SEMA3A: variants seen among roughly 807,000 people sequenced by gnomAD.
SEMA3A encodes semaphorin 3A.
SEMA3A carries 29 observed loss-of-function variants against 97.9 expected under a neutral mutation model. The ratio of observed to expected loss-of-function variants is 0.30; its 90% CI spans 0.22 to 0.40. The LOEUF is 0.40. Ranked by LOEUF, SEMA3A falls within the 10% of genes least tolerant of loss-of-function variation. SEMA3A has a pLI of 1.00. For synonymous variants in SEMA3A, 321 were observed against 323.7 expected, an observed-to-expected ratio of 0.99 and a Z score of 0.09; for missense variants, 763 against 951.3, an observed-to-expected ratio of 0.80 and a Z score of 2.60.
At chr7:84,406,139 G>C (rs1426227678) in intron 1 of SEMA3A, among the ~76,000 whole-genome samples, 2 of 152,018 alleles carry the variant, frequency 1.3e-5, no homozygotes, top group Non-Finnish European at 2.9e-5. Context: ...CAACAAAATT[G>C]ATAGACCACT....
chr7:84,453,364 G>C (rs1329109968), intron 1 of SEMA3A, among the ~76,000 whole-genome samples: 3 of 151,638 alleles, frequency 2.0e-5, no homozygotes, highest in Non-Finnish European at 1.5e-5. Flanking sequence ...AGCCTCCCGA[G>C]TAGCTGGGAC....
intron 1 of SEMA3A, among the ~76,000 whole-genome samples, chr7:84,447,055 C>G (rs991219332): frequency 6.6e-6 from 1 of 152,204 alleles, no homozygotes; most frequent in Non-Finnish European, 1.5e-5. Context: ...TCGCTCGGCT[C>G]CCCGTGCCTG....
chr7:84,402,978 A>G (rs1307551905), intron 1 of SEMA3A, among the ~76,000 whole-genome samples: 1 of 152,168 alleles, frequency 6.6e-6, no homozygotes, highest in Non-Finnish European at 1.5e-5. Context: ...AGCAACGCAG[A>G]AGACAGATGA....
At chr7:84,193,412 T>C (rs144688314) in intron 1 of SEMA3A, among the ~76,000 whole-genome samples, 172 of 152,172 alleles carry the variant, frequency 1.1e-3, no homozygotes, top group African/African-American at 3.5e-3. Context: ...TTTTAACTTA[T>C]AGGCTAAAAA....
intron 4 of SEMA3A, among the ~76,000 whole-genome samples, chr7:84,074,657 G>C (rs1242265192): frequency 1.3e-5 from 2 of 151,956 alleles, no homozygotes; most frequent in African/African-American, 2.4e-5. Context: ...ATTTAGGTCT[G>C]AGTATATTAA....
In SEMA3A at chr7:83,980,623, A is replaced by AAAAAATAT. The variant is rs1310318006; in HGVS notation, c.1652+697_1652+698insATATTTTT. Among the ~76,000 whole-genome samples the AAAAAATAT allele has an allele frequency of 1.4e-3, 99 of 71,684 alleles. 2 individuals are homozygous for AAAAAATAT. The highest frequency in any genetic ancestry group is 1.8e-3 in the Non-Finnish European group (73 of 41,358). The allele number at this position is 71,684 out of a possible 152,430, so 47.0% of individuals were successfully genotyped here. On this transcript the variant is annotated intron_variant, in intron 14 of 16. Transcript: ENST00000265362. ...CATCTCAAAAAAAAAAAAAAAAAAA[A>AAAAAATAT]ATATATATATATATATACACACACA... is the stretch of plus-strand genomic sequence containing the variant.
chr7:84,136,514 T>A (rs1796128752), intron 1 of SEMA3A, among the ~76,000 whole-genome samples: 1 of 152,156 alleles, frequency 6.6e-6, no homozygotes, highest in Non-Finnish European at 1.5e-5. Flanking sequence ...TTTGTTGCTA[T>A]TTTTCCTGAC....
At chr7:84,243,055 T>C (rs1377103344) in intron 3 of SEMA3A, among the ~76,000 whole-genome samples, 1 of 152,186 alleles carries the variant, frequency 6.6e-6, no homozygotes, top group Non-Finnish European at 1.5e-5. Flanking sequence ...TCGGTTAGTA[T>C]TTTATTGAAG....
chr7:84,187,404 C>G (rs1284150534), intron 1 of SEMA3A, among the ~76,000 whole-genome samples: 1 of 152,042 alleles, frequency 6.6e-6, no homozygotes, highest in Non-Finnish European at 1.5e-5. Context: ...GGTTTTTGTC[C>G]AAAGGAATGC....
rs573218404 is a variant in SEMA3A, at chr7:84,046,069, C to A, written c.667+255G>T. Among the ~76,000 whole-genome samples, 14 of 151,992 alleles carry A rather than the reference C, an allele frequency of 9.2e-5. No individual in the cohort carries two copies. The South Asian group carries it at 2.7e-3, about 29-fold the overall frequency. ...TTTCCATTTCCTCCCTTCCGTAGCT[C>A]CGGTCCAGATCTTTCTTTCCATAGC... On this transcript the variant is annotated intron_variant, in intron 6 of 16. Coordinates refer to ENST00000265362, the MANE Select transcript of SEMA3A (RefSeq NM_006080.3).
At chr7:84,103,473 A>G (rs1795015836) in intron 4 of SEMA3A, among the ~76,000 whole-genome samples, 1 of 152,174 alleles carries the variant, frequency 6.6e-6, no homozygotes, top group Non-Finnish European at 1.5e-5. Context: ...ATTTTTTCAC[A>G]TTAATATCAG....
intron 3 of SEMA3A, among the ~76,000 whole-genome samples, chr7:84,111,587 A>G (rs1583983071): frequency 6.6e-6 from 1 of 152,304 alleles, no homozygotes; most frequent in Admixed American, 6.5e-5. Flanking sequence ...TCTAGGATGA[A>G]ACCTGATGAT....
intron 1 of SEMA3A, among the ~76,000 whole-genome samples, chr7:84,419,877 T>C (rs915185092): frequency 2.0e-5 from 3 of 152,188 alleles, no homozygotes; most frequent in Admixed American, 1.3e-4. Flanking sequence ...CCAGAACAGA[T>C]GCAATCTACA....
At chr7:84,436,902 T>C (rs1000973051) in intron 1 of SEMA3A, among the ~76,000 whole-genome samples, 4 of 152,168 alleles carry the variant, frequency 2.6e-5, no homozygotes, top group African/African-American at 9.6e-5. Flanking sequence ...TTTAAGTGCA[T>C]GTGAAAACAA....
chr7:84,440,533 T>G (rs1198718390), intron 1 of SEMA3A, among the ~76,000 whole-genome samples: 1 of 152,182 alleles, frequency 6.6e-6, no homozygotes, highest in Admixed American at 6.5e-5. Context: ...TCCTCCGCCT[T>G]TCTTTTTTTC....
chr7:84,137,143 G>C (rs1255821398), intron 1 of SEMA3A, among the ~76,000 whole-genome samples: 1 of 152,134 alleles, frequency 6.6e-6, no homozygotes, highest in African/African-American at 2.4e-5. Context: ...GCTCATGCCT[G>C]TAATCTCAGC....
intron 1 of SEMA3A, among the ~76,000 whole-genome samples, chr7:84,471,936 T>C (rs892782324): frequency 6.6e-6 from 1 of 151,960 alleles, no homozygotes; most frequent in African/African-American, 2.4e-5. Flanking sequence ...GTTTTTTTTT[T>C]TCTTTTGGTA....
chr7:84,454,151 G>T lies in SEMA3A; in HGVS notation c.-246+38309C>A, dbSNP rs147625093. 5.0e-3 allele frequency among the ~76,000 whole-genome samples: 754 copies of T among 152,250 alleles called. 6 individuals carry two copies. Among genetic ancestry groups the T allele is most frequent in the African/African-American group, 0.017 (711 of 41,540 alleles). Reference sequence around the variant, plus strand: ...GCATCTGAACTCTTTTCTTTAAAATGTAAAAATGTAAAAGAGCTGTGGAGT... The same window carrying T: ...GCATCTGAACTCTTTTCTTTAAAATTTAAAAATGTAAAAGAGCTGTGGAGT... On this transcript the variant is annotated intron_variant, in intron 1 of 3. Transcript: ENST00000424555.
At chr7:83,963,130 C>A in intron 16 of SEMA3A, 75 bp downstream of exon 16, 1 of 1,523,634 alleles carries the variant, frequency 6.6e-7, no homozygotes, top group Non-Finnish European at 9.0e-7. Context: ...TTTCTTTCCT[C>A]AAGTGAAAAA....
Sources: allele counts gnomAD v4.1 joint callset (sites outside exome capture counted in the v4.1 genomes callset), GRCh38; gene constraint gnomAD v4.1.1; transcripts MANE v1.5; gene names NCBI Gene and HGNC (gene_info 2026-07-23, HGNC 2026-07-21).